MYO3B: variants seen among roughly 807,000 people sequenced by gnomAD.
MYO3B encodes the protein myosin IIIB.
A neutral mutation model predicts 174.6 loss-of-function variants in MYO3B; 156 were observed. The ratio of observed to expected loss-of-function variants is 0.89; its 90% CI spans 0.78 to 1.02. The LOEUF (loss-of-function observed/expected upper bound fraction) is 1.02. Ranked by LOEUF, MYO3B falls within the 50% of genes least tolerant of loss-of-function variation. The probability of loss-of-function intolerance (pLI) is 0.00; values close to 1 mark genes in which losing one functional copy is unlikely to be tolerated. For missense variants in MYO3B, 1,632 were observed against 1,639.4 expected (o/e 1.00, Z 0.08); for synonymous variants, 563 against 569.1 (o/e 0.99, Z 0.15).
chr2:170,472,728 G>T (rs576526897), intron 25 of MYO3B, among the ~76,000 whole-genome samples: 1 of 146,774 alleles, frequency 6.8e-6, no homozygotes, highest in East Asian at 2.0e-4. Context: ...TTGAGACAGG[G>T]TCTCACTCTG....
chr2:170,413,387 T>C (rs564796122), intron 22 of MYO3B, among the ~76,000 whole-genome samples: 2 of 152,158 alleles, frequency 1.3e-5, no homozygotes, highest in African/African-American at 4.8e-5. Context: ...AAAGACCTCT[T>C]TGGGCAGAGG....
intron 22 of MYO3B, among the ~76,000 whole-genome samples, chr2:170,431,679 C>T (rs1014494603): frequency 6.6e-6 from 1 of 152,158 alleles, no homozygotes; most frequent in Non-Finnish European, 1.5e-5. Flanking sequence ...TTCTTTGGGG[C>T]TTTGAATTTG....
chr2:170,361,210 A>AG (rs2094158142), intron 8 of MYO3B, among the ~76,000 whole-genome samples: 1 of 152,208 alleles, frequency 6.6e-6, no homozygotes, highest in Admixed American at 6.5e-5. Context: ...GTGATCTCCC[A>AG]GGGACCACAC....
At chr2:170,329,378 T>C (rs955965594) in intron 7 of MYO3B, among the ~76,000 whole-genome samples, 1 of 150,490 alleles carries the variant, frequency 6.6e-6, no homozygotes, top group African/African-American at 2.5e-5. Flanking sequence ...TTTTGCTTTT[T>C]ATTCTCTACA....
intron 29 of MYO3B, among the ~76,000 whole-genome samples, chr2:170,515,251 T>A (rs1688236451): frequency 6.6e-6 from 1 of 152,212 alleles, no homozygotes; most frequent in African/African-American, 2.4e-5. Context: ...TTCCTCACAG[T>A]TGCCCCTCCA....
At chr2:170,576,653 A>G (rs1479635980) in intron 32 of MYO3B, among the ~76,000 whole-genome samples, 2 of 152,248 alleles carry the variant, frequency 1.3e-5, no homozygotes, top group Admixed American at 6.5e-5. Flanking sequence ...GTGTGTACAT[A>G]CTTGCGCATT....
At chr2:170,384,244 G>A (rs1458534136) in intron 12 of MYO3B, among the ~76,000 whole-genome samples, 2 of 152,128 alleles carry the variant, frequency 1.3e-5, no homozygotes, top group East Asian at 3.8e-4. Context: ...GAGGTTGACA[G>A]TGACCATGCA....
chr2:170,493,620 T>A (rs1354681798), intron 25 of MYO3B, among the ~76,000 whole-genome samples: 1 of 152,194 alleles, frequency 6.6e-6, no homozygotes, highest in South Asian at 2.1e-4. Flanking sequence ...TTGAATGTGA[T>A]CTGGACTTAG....
intron 7 of MYO3B, among the ~76,000 whole-genome samples, chr2:170,272,376 G>A (rs116113044): frequency 2.3e-3 from 343 of 152,238 alleles, no homozygotes; most frequent in African/African-American, 7.8e-3. Flanking sequence ...GACCACTGGA[G>A]CAGTCCCCAG....
chr2:170,461,490 G>T lies in MYO3B; in HGVS notation c.2731-1878G>T, dbSNP rs952510228. ...TCAAAAAAAAAAAAAAAAAAAAAGG[G>T]CTGGGCCGAGCACGGTGGCTCAAGT... On this transcript the variant is annotated intron_variant, in intron 23 of 34. Coordinates refer to ENST00000408978, the MANE Select transcript of MYO3B (RefSeq NM_138995.5). 1.5e-4 allele frequency among the ~76,000 whole-genome samples: 21 copies of T among 143,614 alleles called. No individual in the cohort carries two copies. In the South Asian group the frequency reaches 3.5e-3, roughly 24 times the overall value. The allele number at this position is 143,614 out of a possible 152,430, so 94.2% of individuals were successfully genotyped here.
rs555527603 is a variant in MYO3B at position 170,544,581 on chromosome 2, C to T, written c.3733+593C>T. ...ATACTAAGGACTACGTGAACCATTC[C>T]AAGAAAAGAAATGCTCCTGATGTTA... On this transcript the variant is annotated intron_variant, in intron 32 of 34. Coordinates refer to ENST00000408978, the MANE Select transcript of MYO3B (RefSeq NM_138995.5). Among the ~76,000 whole-genome samples, 637 of 152,296 alleles carry T rather than the reference C, an allele frequency of 4.2e-3. 1 individual carries two copies. Among genetic ancestry groups the T allele is most frequent in the Non-Finnish European group, 6.7e-3 (458 of 68,026 alleles).
chr2:170,206,614 T>A lies in MYO3B; in HGVS notation c.321+6330T>A, dbSNP rs1307824995. ...TTAAACTTAAGTCCAGTTGAGTGAC[T>A]TTGTGGAGTGGCATATTCCAGTATT... On this transcript the variant is annotated intron_variant, in intron 3 of 34. Transcript: ENST00000408978. This position sits in a 1 kb window ranked among gnomAD's most constrained non-coding sequence, Gnocchi z 4.3. Among the ~76,000 whole-genome samples, 1 of 152,204 alleles carries A rather than the reference T, an allele frequency of 6.6e-6. No homozygotes were observed. The highest frequency in any genetic ancestry group is 1.5e-5 in the Non-Finnish European group (1 of 68,044).
At chr2:170,488,030 G>A (rs890036152) in intron 25 of MYO3B, among the ~76,000 whole-genome samples, 3 of 152,122 alleles carry the variant, frequency 2.0e-5, no homozygotes, top group African/African-American at 7.2e-5. Flanking sequence ...CTTTAATCAA[G>A]GAAATTCAAA....
intron 28 of MYO3B, among the ~76,000 whole-genome samples, chr2:170,508,075 T>C (rs1687725787): frequency 1.3e-5 from 2 of 152,142 alleles, no homozygotes; most frequent in African/African-American, 4.8e-5. Context: ...CCCAATATCA[T>C]ACCGGCATGG....
intron 25 of MYO3B, among the ~76,000 whole-genome samples, chr2:170,493,153 A>G (rs185742785): frequency 2.5e-3 from 387 of 152,360 alleles, no homozygotes; most frequent in Non-Finnish European, 3.3e-3. Flanking sequence ...TATAAAGAGC[A>G]TAATAACGTG....
chr2:170,266,310 A>C (rs1452992544), intron 7 of MYO3B, among the ~76,000 whole-genome samples: 1 of 152,156 alleles, frequency 6.6e-6, no homozygotes, highest in East Asian at 1.9e-4. Context: ...AACAGTTCTA[A>C]ACTCAACAAA....
chr2:170,566,053 G>A (rs74816988), intron 32 of MYO3B, among the ~76,000 whole-genome samples: 2,198 of 152,174 alleles, frequency 0.014, 59 homozygotes, highest in East Asian at 0.089. Flanking sequence ...ATCAGTGAAG[G>A]CAACTTGAAA....
intron 22 of MYO3B, among the ~76,000 whole-genome samples, chr2:170,434,898 G>A (rs1470447698): frequency 6.6e-6 from 1 of 152,212 alleles, no homozygotes; most frequent in African/African-American, 2.4e-5. Context: ...GGGCTTAGGT[G>A]ATCCTTCCAC....
At chr2:170,432,832 C>T (rs975815803) in intron 22 of MYO3B, among the ~76,000 whole-genome samples, 1 of 152,078 alleles carries the variant, frequency 6.6e-6, no homozygotes, top group Non-Finnish European at 1.5e-5. Flanking sequence ...GCCTCGGCCT[C>T]CTAAAGTGCT....
Sources: gnomAD v4.1 joint callset for allele counts (sites outside exome capture counted in the v4.1 genomes callset) on GRCh38, gnomAD v4.1.1 for gene constraint, Gnocchi (gnomAD v3.1) non-coding constraint, MANE v1.5 for transcripts, NCBI Gene and HGNC (gene_info 2026-07-23, HGNC 2026-07-21) for gene names.